Variants in MTX3 observed in about 807,000 individuals in gnomAD.
The protein encoded by MTX3 is metaxin 3.
MTX3 carries 27 observed loss-of-function variants against 42.5 expected under a neutral mutation model. The ratio of observed to expected loss-of-function variants is 0.64; its 90% CI spans 0.47 to 0.88. The LOEUF is 0.88. Among genes scored for constraint, MTX3 ranks in the 40% least tolerant of loss-of-function variants. The pLI is 0.00. For missense variants in MTX3, 378 were observed against 367.0 expected, an observed-to-expected ratio of 1.03 and a Z score of -0.25; for synonymous variants, 144 against 132.9, an observed-to-expected ratio of 1.08 and a Z score of -0.57.
In MTX3 at chr5:79,982,672, T is replaced by G. The variant is rs1393907450; in HGVS notation, c.*1012A>C. On this transcript the variant is annotated 3_prime_UTR_variant, in exon 9 of 9. Coordinates refer to ENST00000512528, the MANE Select transcript of MTX3 (RefSeq NM_001363818.2). The stretch of plus-strand genomic sequence containing the variant: ...GTATTCTTCGACTATAAGTGAAACA[T>G]ATGAAAAATAATTGGTTGTCAGAAA... 2 of 223,438 alleles carry G rather than the reference T, an allele frequency of 9.0e-6. No individual in the cohort carries two copies. Among genetic ancestry groups the G allele is most frequent in the Admixed American group, 5.3e-5 (1 of 18,932 alleles). The allele number at this position is 223,438 out of a possible 1,614,324, so 13.8% of individuals were successfully genotyped here.
In MTX3 at chr5:79,990,986, G is replaced by T. The variant is rs999623012; in HGVS notation, c.81+172C>A. ...CTTGATGTCGCCGCCGGCCTTCGGC[G>T]GGGGTATCGGCCAGGTTGGGACTCG... On this transcript the variant is annotated intron_variant, in intron 1 of 8. Coordinates refer to ENST00000512528, the MANE Select transcript of MTX3 (RefSeq NM_001363818.2). 6.5e-6 allele frequency: 5 copies of T among 765,886 alleles called. No homozygotes were observed. The Admixed American group carries it at 1.0e-4, about 15-fold the overall frequency. The allele number at this position is 765,886 out of a possible 1,614,324, so 47.4% of individuals were successfully genotyped here.
At chr5:79,985,827 G>A (rs545361683) in intron 7 of MTX3, among the ~76,000 whole-genome samples, 168 bp from the exon 8 acceptor site, 12 of 151,466 alleles carry the variant, frequency 7.9e-5, no homozygotes, top group South Asian at 2.1e-4. Flanking sequence ...AGAGGGATTC[G>A]AATGCTCTAA....
In MTX3 at chr5:79,983,738, A is replaced by C; in HGVS notation, c.885T>G (p.Leu295=). The C allele has an allele frequency of 6.2e-7, 1 of 1,613,902 alleles. No homozygotes were observed. Among genetic ancestry groups the C allele is most frequent in the South Asian group, 1.1e-5 (1 of 91,070 alleles). ...TTTCTTCTTCTGCTGGAGTCAATTT[A>C]AGTGTTGGCAGTTTCCGAGGAGGAA... ...PQLPPRKLPT[L]KLTPAEEENN... The change falls in exon 9 of 9, where the codon CTT becomes CTG. Residue 295 remains leucine, a synonymous_variant. Transcript: ENST00000512528.
Position 79,977,561 on chromosome 5 carries a change from T to C in MTX3, c.*6123A>G, listed in dbSNP as rs980206576. On this transcript the variant is annotated 3_prime_UTR_variant, in exon 9 of 9. Transcript: ENST00000512528. The stretch of plus-strand genomic sequence containing the variant: ...CAAAATGGTGTTCCAAATAATCCAA[T>C]TGTATACATTGCAAAGACACACAAA... 4 of 152,210 alleles carry C rather than the reference T, an allele frequency of 2.6e-5. No individual in the cohort carries two copies. Among genetic ancestry groups the C allele is most frequent in the Admixed American group, 6.6e-5 (1 of 15,264 alleles). 9.4% of individuals were successfully genotyped at this position (152,210 alleles called of 1,614,324 possible). A position where few individuals can be genotyped will look rare whatever the true frequency, so the allele number is the denominator to read the frequency against.
At position 79,990,670 on chromosome 5, in the gene MTX3, C is replaced by G. The variant is rs1561284775; in HGVS notation, c.82-7G>C. 1 of 1,610,568 alleles carries G rather than the reference C, an allele frequency of 6.2e-7. No homozygotes were observed. Among genetic ancestry groups the G allele is most frequent in the Non-Finnish European group, 8.5e-7 (1 of 1,177,252 alleles). ...CAGAAAATTTGGCATAAGCCTGAAA[C>G]AGAGTTTGCAATCAAACATTTTAGA... On this transcript the variant is annotated splice_polypyrimidine_tract_variant and splice_region_variant and intron_variant, in intron 1 of 8. Coordinates refer to ENST00000512528, the MANE Select transcript of MTX3 (RefSeq NM_001363818.2).
chr5:79,989,675 T>C (rs1313539083), intron 3 of MTX3, among the ~76,000 whole-genome samples: 1 of 152,250 alleles, frequency 6.6e-6, no homozygotes, highest in African/African-American at 2.4e-5. Context: ...AACAAATAAC[T>C]TATCCATTCA....
At chr5:79,990,790 C>T (rs1201084556) in intron 1 of MTX3, 127 bp from the exon 2 acceptor site, 1 of 786,918 alleles carries the variant, frequency 1.3e-6, no homozygotes, top group Admixed American at 2.0e-5. Flanking sequence ...CATCCCTCCC[C>T]GTGATCTCAA....
intron 5 of MTX3, 66 bp downstream of exon 5, chr5:79,988,396 C>T: frequency 6.5e-7 from 1 of 1,549,720 alleles, no homozygotes; most frequent in Non-Finnish European, 8.8e-7. Context: ...TAGGTAAACT[C>T]AAGTCTGCAT....
chr5:79,987,810 TTTC>T (rs1487322651), intron 6 of MTX3, among the ~76,000 whole-genome samples: 1 of 152,168 alleles, frequency 6.6e-6, no homozygotes, highest in Non-Finnish European at 1.5e-5. Context: ...ATTAAATTTT[TTTC>T]TTGTTTGTTT....
intron 5 of MTX3, 43 bp downstream of exon 5, chr5:79,988,419 T>G: frequency 6.3e-7 from 1 of 1,585,316 alleles, no homozygotes; most frequent in Non-Finnish European, 8.6e-7. Flanking sequence ...TATCTTGTCC[T>G]TTCTCTCTAG....
At chr5:79,990,037 A>C in intron 3 of MTX3, 123 bp downstream of exon 3, 1 of 510,348 alleles carries the variant, frequency 2.0e-6, no homozygotes, top group Non-Finnish European at 3.5e-6. Context: ...CTATTTTTAC[A>C]TCTTGTCCCA....
chr5:79,990,260 T>C, intron 2 of MTX3, 24 bp from the exon 3 acceptor site: 2 of 1,519,172 alleles, frequency 1.3e-6, no homozygotes, highest in Non-Finnish European at 1.8e-6. Flanking sequence ...ACAGTTTACA[T>C]ACAAGGACAC....
At chr5:79,986,651 G>A (rs1024154004) in intron 7 of MTX3, 4 of 487,468 alleles carry the variant, frequency 8.2e-6, no homozygotes, top group African/African-American at 5.9e-5. Context: ...CTTAATACCT[G>A]TGGTTTTAAC....
intron 6 of MTX3, among the ~76,000 whole-genome samples, chr5:79,987,440 C>CAAAA (rs397884673): frequency 8.2e-5 from 7 of 85,118 alleles, no homozygotes; most frequent in Middle Eastern, 7.1e-3. Context: ...GACTCCATCT[C>CAAAA]AAAAAAAAAA....
intron 6 of MTX3, among the ~76,000 whole-genome samples, chr5:79,987,622 T>C (rs1435034037): frequency 6.6e-6 from 1 of 152,264 alleles, no homozygotes; most frequent in Non-Finnish European, 1.5e-5. Context: ...GTTTTACTCA[T>C]TGAGTAGCTT....
In MTX3 at chr5:79,983,009, G is replaced by T. The variant is rs1450859425; in HGVS notation, c.*675C>A. 3 of 153,946 alleles carry T rather than the reference G, an allele frequency of 1.9e-5. No individual in the cohort carries two copies. The East Asian group carries it at 5.8e-4, about 30-fold the overall frequency. 9.5% of individuals were successfully genotyped at this position (153,946 alleles called of 1,614,324 possible). On this transcript the variant is annotated 3_prime_UTR_variant, in exon 9 of 9. Transcript: ENST00000512528. Reference sequence around the variant, plus strand: ...AAAAGAACTCTTCCTAACCTATATCGAACACATCAGCAAAGACCAATGTTA... The same window carrying T: ...AAAAGAACTCTTCCTAACCTATATCTAACACATCAGCAAAGACCAATGTTA...
intron 6 of MTX3, among the ~76,000 whole-genome samples, 199 bp downstream of exon 6, chr5:79,988,040 C>T (rs1831537446): frequency 6.6e-6 from 1 of 152,174 alleles, no homozygotes; most frequent in Non-Finnish European, 1.5e-5. Context: ...TGGTCTTGAA[C>T]TTCTGGCCTC....
rs749366112 is a variant in MTX3, at chr5:79,983,702, G to A, written c.921C>T (p.Phe307=). The change falls in exon 9 of 9, where the codon TTC becomes TTT. Residue 307 remains phenylalanine (F), a synonymous_variant. Coordinates refer to ENST00000512528, the MANE Select transcript of MTX3 (RefSeq NM_001363818.2). The part of the protein sequence containing the change: ...LTPAEEENNS[F]QRLSP The stretch of plus-strand genomic sequence containing the variant: ...ACTACTCTCAGGGCGAAAGCCGTTG[G>A]AAGGAATTATTTTCTTCTTCTGCTG... 26 of 1,613,412 alleles carry A rather than the reference G, an allele frequency of 1.6e-5. No homozygotes were observed. The highest frequency in any genetic ancestry group is 5.9e-6 in the Non-Finnish European group (7 of 1,179,452).
chr5:79,988,242 T>G lies in MTX3; in HGVS notation c.578A>C (p.Asp193Ala), dbSNP rs751976595. ...TGATTTTTAAGGGAATACTCACGTA[T>G]CTCCAAAGAAAAACTGAGATGTTCC... ...RLGTSQFFFG[D>A]TPSTLDAYVF... Residue 193 changes from aspartate (D) to alanine (A), a missense_variant, in exon 6 of 9, where the codon GAT (aspartate) becomes GCT (alanine). Asp to Ala is a moderately radical substitution (Grantham distance 126, BLOSUM62 -2). Transcript: ENST00000512528. 7.7e-5 allele frequency: 118 copies of G among 1,526,454 alleles called. No homozygotes were observed. The highest frequency in any genetic ancestry group is 9.6e-5 in the Non-Finnish European group (108 of 1,122,758). The allele number at this position is 1,526,454 out of a possible 1,614,324, so 94.6% of individuals were successfully genotyped here. A position where few individuals can be genotyped will look rare whatever the true frequency, so the allele number is the denominator to read the frequency against.
Sources: allele counts gnomAD v4.1 joint callset (sites outside exome capture counted in the v4.1 genomes callset), GRCh38; gene constraint gnomAD v4.1.1; transcripts MANE v1.5; gene names NCBI Gene and HGNC (gene_info 2026-07-23, HGNC 2026-07-21).